The following KLHL36 variants were observed in gnomAD, a reference collection of about 807,000 sequenced individuals.
The protein encoded by KLHL36 is kelch-like protein 36.
KLHL36 carries 35 observed loss-of-function variants against 53.3 expected under a neutral mutation model. That is an observed-to-expected ratio of 0.66 (90% CI 0.50 to 0.87). The LOEUF (loss-of-function observed/expected upper bound fraction) is 0.87. KLHL36 is among the 40% of genes least tolerant of loss of function. KLHL36 has a pLI of 0.00. For synonymous variants in KLHL36, 472 were observed against 398.9 expected (o/e 1.18, Z -2.18); for missense variants, 864 against 897.6 (o/e 0.96, Z 0.48).
chr16:84,651,959 T>C (rs1344685418), intron 2 of KLHL36, among the ~76,000 whole-genome samples: 2 of 152,194 alleles, frequency 1.3e-5, no homozygotes, highest in Non-Finnish European at 2.9e-5. Context: ...AAAGAGATTC[T>C]ACAGATTCTA....
At chr16:84,650,821 T>G in intron 1 of KLHL36, 31 bp from the exon 2 acceptor site, 1 of 1,508,966 alleles carries the variant, frequency 6.6e-7, no homozygotes, top group Non-Finnish European at 9.2e-7. Context: ...GAGTTATGAC[T>G]GCATGCTCAG....
rs1006536539 is a variant in KLHL36, at chr16:84,662,261, G to T, written c.*128G>T. 8.3e-6 allele frequency: 7 copies of T among 838,548 alleles called. No individual in the cohort carries two copies. In the Admixed American group the frequency reaches 1.5e-4, roughly 18 times the overall value. The allele number at this position is 838,548 out of a possible 1,614,324, so 51.9% of individuals were successfully genotyped here. ...AGCTTTTTTTACTTTTATGATTCTT[G>T]GTATTTCTATGATATCACAGTAACC... On this transcript the variant is annotated 3_prime_UTR_variant, in exon 5 of 5. Transcript: ENST00000564996.
intron 2 of KLHL36, among the ~76,000 whole-genome samples, chr16:84,655,574 C>A (rs2150722504): frequency 6.6e-6 from 1 of 151,686 alleles, no homozygotes; most frequent in Non-Finnish European, 1.5e-5. Flanking sequence ...CATGGTGGCA[C>A]ACACCCGTAG....
chr16:84,659,728 GA>G (rs758050804), intron 3 of KLHL36, 31 bp from the exon 4 acceptor site: 18 of 1,605,560 alleles, frequency 1.1e-5, no homozygotes, highest in Non-Finnish European at 1.4e-5. Flanking sequence ...CGGGTTCGGG[GA>G]AGGGAAGGTA....
At chr16:84,660,590 C>G (rs774455732) in intron 4 of KLHL36, among the ~76,000 whole-genome samples, 4 of 152,172 alleles carry the variant, frequency 2.6e-5, no homozygotes, top group Non-Finnish European at 4.4e-5. Flanking sequence ...ATCCAGGTGT[C>G]CGTAAGAGTT....
In KLHL36 at chr16:84,650,851, G is replaced by A; in HGVS notation, c.-16-1G>A. The A allele has an allele frequency of 1.9e-6, 3 of 1,608,864 alleles. No homozygotes were observed. The highest frequency in any genetic ancestry group is 2.5e-6 in the Non-Finnish European group (3 of 1,177,242). On this transcript the variant is annotated splice_acceptor_variant, in intron 1 of 4. Coordinates refer to ENST00000564996, the MANE Select transcript of KLHL36 (RefSeq NM_024731.4). LOFTEE classifies it low-confidence loss of function (5UTR_SPLICE). ...GCTCAGAAATCCTGTTCTTCTCCTA[G>A]GGCTGAAATCTCTTTAATGATGGAG...
intron 2 of KLHL36, among the ~76,000 whole-genome samples, chr16:84,653,582 G>A (rs1225574689): frequency 6.6e-5 from 10 of 152,066 alleles, no homozygotes; most frequent in African/African-American, 9.7e-5. Context: ...GTGAAACCCC[G>A]TCTCTACTGA....
In KLHL36 at chr16:84,661,915, G is replaced by C. The variant is rs760703893; in HGVS notation, c.1633G>C (p.Glu545Gln). ...ANSESGVAVW[E>Q]GRIYILGGYS... ...CAGCGAGTCGGGCGTGGCAGTGTGG[G>C]AGGGCCGCATCTACATCCTGGGCGG... The change falls in exon 5 of 5, where the codon GAG (glutamate) becomes CAG (glutamine). Residue 545 changes from glutamate to glutamine, a missense_variant. Coordinates refer to ENST00000564996, the MANE Select transcript of KLHL36 (RefSeq NM_024731.4). This position sits in a 1 kb window ranked among gnomAD's most constrained non-coding sequence, Gnocchi z 7.9. 1.2e-6 allele frequency: 2 copies of C among 1,600,716 alleles called. No individual in the cohort carries two copies.
chr16:84,656,908 A>G lies in KLHL36; in HGVS notation c.101A>G (p.Gln34Arg). 1 of 1,612,480 alleles carries G rather than the reference A, an allele frequency of 6.2e-7. No individual in the cohort carries two copies. The highest frequency in any genetic ancestry group is 8.5e-7 in the Non-Finnish European group (1 of 1,179,750). Residue 34 changes from glutamine (Q) to arginine (R), a missense_variant, in exon 3 of 5, where the codon CAG becomes CGG. Gln to Arg is a conservative substitution (Grantham distance 43). Coordinates refer to ENST00000564996, the MANE Select transcript of KLHL36 (RefSeq NM_024731.4). ...RWADHSSTVL[Q>R]RLNEQRLRGL... The stretch of plus-strand genomic sequence containing the variant: ...GCCGACCACTCAAGCACGGTGCTGC[A>G]GCGGCTGAACGAGCAGCGTCTCCGC...
rs1002080550 is a variant in KLHL36, at chr16:84,662,473, G to A, written c.*340G>A. 1 of 193,148 alleles carries A rather than the reference G, an allele frequency of 5.2e-6. No individual in the cohort carries two copies. The highest frequency in any genetic ancestry group is 1.1e-5 in the Non-Finnish European group (1 of 93,504). The allele number at this position is 193,148 out of a possible 1,614,324, so 12.0% of individuals were successfully genotyped here. On this transcript the variant is annotated 3_prime_UTR_variant, in exon 5 of 5. Transcript: ENST00000564996. ...CACAGAAATTTCTGTAGTGAAGCTT[G>A]GGCCTCAAAGGGTTCTCTTAGGCCA...
At chr16:84,654,841 C>T (rs981453641) in intron 2 of KLHL36, among the ~76,000 whole-genome samples, 2 of 152,166 alleles carry the variant, frequency 1.3e-5, no homozygotes, top group African/African-American at 4.8e-5. Context: ...AACTCCTGAC[C>T]TCAGGTGACC....
At position 84,656,312 on chromosome 16, in the gene KLHL36, C is replaced by T. The variant is rs1435318395; in HGVS notation, c.64-559C>T. 6.0e-5 allele frequency among the ~76,000 whole-genome samples: 9 copies of T among 150,940 alleles called. No homozygotes were observed. In the East Asian group the frequency reaches 1.8e-3, roughly 30 times the overall value. On this transcript the variant is annotated intron_variant, in intron 2 of 4. Transcript: ENST00000564996. ...GAGACGGAGTTCTTGCTCTGTCTCC[C>T]AGGCTGGAGTGTAGTGGTGTGCTCT...
At chr16:84,653,439 C>T (rs1482282647) in intron 2 of KLHL36, among the ~76,000 whole-genome samples, 2 of 152,170 alleles carry the variant, frequency 1.3e-5, no homozygotes, top group Non-Finnish European at 2.9e-5. Flanking sequence ...ACCTGAAATG[C>T]GGAAACTCTG....
At position 84,662,883 on chromosome 16, in the gene KLHL36, C is replaced by T. The variant is rs529127382; in HGVS notation, c.*750C>T. The T allele has an allele frequency of 2.0e-5, 3 of 152,072 alleles. No homozygotes were observed. The highest frequency in any genetic ancestry group is 7.2e-5 in the African/African-American group (3 of 41,480). 9.4% of individuals were successfully genotyped at this position (152,072 alleles called of 1,614,324 possible). ...AACCTTCTTGAATTCTAAAACGTTA[C>T]AGGTAACCAAAAACGAAAAAAGGTA... On this transcript the variant is annotated 3_prime_UTR_variant, in exon 5 of 5. Transcript: ENST00000564996.
chr16:84,653,091 C>T (rs1906996339), intron 2 of KLHL36, among the ~76,000 whole-genome samples: 1 of 152,132 alleles, frequency 6.6e-6, no homozygotes, highest in Non-Finnish European at 1.5e-5. Flanking sequence ...GTGGCATACA[C>T]CTGTAGTCCC....
rs758782672 is a variant in KLHL36, at chr16:84,659,851, C to T, written c.1229C>T (p.Ala410Val). The T allele has an allele frequency of 1.9e-6, 3 of 1,614,150 alleles. No homozygotes were observed. Among genetic ancestry groups the T allele is most frequent in the Non-Finnish European group, 1.7e-6 (2 of 1,180,014 alleles). The part of the protein sequence containing the change: ...VAIGGRNENG[A>V]LSSVETYSPK... ...ATCGGCGGCCGGAATGAGAACGGAG[C>T]GCTCTCTTCAGTAGAGACGTACAGT... The change falls in exon 4 of 5, where the codon GCG becomes GTG. Residue 410 changes from alanine (A) to valine (V), a missense_variant. Coordinates refer to ENST00000564996, the MANE Select transcript of KLHL36 (RefSeq NM_024731.4).
chr16:84,652,092 G>A (rs1906920069), intron 2 of KLHL36, among the ~76,000 whole-genome samples: 1 of 152,130 alleles, frequency 6.6e-6, no homozygotes, highest in Non-Finnish European at 1.5e-5. Context: ...TGAAAACCCA[G>A]AGAGGTCTCG....
In KLHL36 at chr16:84,665,006, A is replaced by C. The variant is rs1259504924; in HGVS notation, c.*2873A>C. 1 of 152,240 alleles carries C rather than the reference A, an allele frequency of 6.6e-6. No individual in the cohort carries two copies. Among genetic ancestry groups the C allele is most frequent in the Non-Finnish European group, 1.5e-5 (1 of 68,054 alleles). The allele number at this position is 152,240 out of a possible 1,614,324, so 9.4% of individuals were successfully genotyped here. On this transcript the variant is annotated 3_prime_UTR_variant, in exon 5 of 5. Coordinates refer to ENST00000564996, the MANE Select transcript of KLHL36 (RefSeq NM_024731.4). ...ACACCACTGCACTCTAACCTGGGTG[A>C]CGGAGTGAGACCCTGTCTCAAAAGA...
chr16:84,649,902 T>C (rs1906736816), intron 1 of KLHL36, among the ~76,000 whole-genome samples: 1 of 152,194 alleles, frequency 6.6e-6, no homozygotes, highest in Non-Finnish European at 1.5e-5. Context: ...CTTGTGCTAA[T>C]ATTAGTTGGC....
Sources: gnomAD v4.1 joint callset for allele counts (sites outside exome capture counted in the v4.1 genomes callset) on GRCh38, gnomAD v4.1.1 for gene constraint, Gnocchi (gnomAD v3.1) non-coding constraint, MANE v1.5 for transcripts, NCBI Gene and HGNC (gene_info 2026-07-23, HGNC 2026-07-21) for gene names.